The following UBL3 variants were observed in gnomAD, a reference collection of about 807,000 sequenced individuals.
UBL3 encodes ubiquitin like 3.
UBL3 carries 6 observed loss-of-function variants against 18.4 expected under a neutral mutation model. The ratio of observed to expected loss-of-function variants is 0.33; its 90% CI spans 0.18 to 0.64. The LOEUF (loss-of-function observed/expected upper bound fraction) is 0.64. Among genes scored for constraint, UBL3 ranks in the 30% least tolerant of loss-of-function variants. The probability of loss-of-function intolerance (pLI) is 0.76; values close to 1 mark genes in which losing one functional copy is unlikely to be tolerated. For synonymous variants in UBL3, 49 were observed against 46.6 expected (o/e 1.05, Z -0.21); for missense variants, 109 against 142.9 (o/e 0.76, Z 1.21).
Position 29,766,775 on chromosome 13 carries a change from T to A in UBL3, c.*480A>T, listed in dbSNP as rs1037456556. The A allele has an allele frequency of 1.3e-5, 2 of 152,306 alleles. No homozygotes were observed. Among genetic ancestry groups the A allele is most frequent in the African/African-American group, 4.8e-5 (2 of 41,462 alleles). 9.4% of individuals were successfully genotyped at this position (152,306 alleles called of 1,614,324 possible). On this transcript the variant is annotated 3_prime_UTR_variant, in exon 5 of 5. Transcript: ENST00000380680. ...ATTTTTTCCTCTCAAGTTGGCCCAG[T>A]AATTAACTTCATTAATTGCTGAGTG... is the stretch of plus-strand genomic sequence containing the variant.
In UBL3 at chr13:29,809,373, T is replaced by C. The variant is rs987940071; in HGVS notation, c.28-32110A>G. On this transcript the variant is annotated intron_variant, in intron 1 of 4. Transcript: ENST00000380680. The stretch of plus-strand genomic sequence containing the variant: ...ACTCCAAAGCAGAAAAGAAAAAGCC[T>C]TGGCACATCTGAGGAAAAAATAAAT... Among the ~76,000 whole-genome samples, 4 of 152,160 alleles carry C rather than the reference T, an allele frequency of 2.6e-5. No homozygotes were observed. In the South Asian group the frequency reaches 8.3e-4, roughly 32 times the overall value.
Position 29,765,401 on chromosome 13 carries a change from C to T in UBL3, c.*1854G>A, listed in dbSNP as rs1014146783. On this transcript the variant is annotated 3_prime_UTR_variant, in exon 5 of 5. Coordinates refer to ENST00000380680, the MANE Select transcript of UBL3 (RefSeq NM_007106.4). ...CTTGAAGATAACATTTTAGTGATAA[C>T]GGAGACTACATAATTCTATCCATTG... The T allele has an allele frequency of 2.6e-5, 4 of 152,054 alleles. No individual in the cohort carries two copies. Among genetic ancestry groups the T allele is most frequent in the East Asian group, 1.9e-4 (1 of 5,206 alleles). The allele number at this position is 152,054 out of a possible 1,614,324, so 9.4% of individuals were successfully genotyped here. A position where few individuals can be genotyped will look rare whatever the true frequency, so the allele number is the denominator to read the frequency against.
chr13:29,837,565 T>C (rs1365819808), intron 1 of UBL3, among the ~76,000 whole-genome samples: 1 of 152,026 alleles, frequency 6.6e-6, no homozygotes, highest in African/African-American at 2.4e-5. Flanking sequence ...ATAGAAATAA[T>C]ACTTAAAGAA....
intron 1 of UBL3, among the ~76,000 whole-genome samples, chr13:29,835,171 T>TAA (rs1878927024): frequency 4.4e-5 from 3 of 68,364 alleles, no homozygotes; most frequent in Non-Finnish European, 8.1e-5. Context: ...TATATATATA[T>TAA]ATATATATAT....
At chr13:29,786,392 G>T (rs1028206024) in intron 1 of UBL3, among the ~76,000 whole-genome samples, 1 of 152,056 alleles carries the variant, frequency 6.6e-6, no homozygotes, top group Non-Finnish European at 1.5e-5. Context: ...CCTCTACCCC[G>T]ATTCACACAT....
intron 1 of UBL3, among the ~76,000 whole-genome samples, chr13:29,790,560 A>G (rs374134336): frequency 1.8e-4 from 28 of 152,234 alleles, no homozygotes; most frequent in Admixed American, 9.8e-4. Context: ...TGGAACACCA[A>G]CCCCCAAGAG....
In UBL3 at chr13:29,764,881, T is replaced by A. The variant is rs1325061318; in HGVS notation, c.*2374A>T. The A allele has an allele frequency of 6.6e-6, 1 of 152,188 alleles. No homozygotes were observed. 9.4% of individuals were successfully genotyped at this position (152,188 alleles called of 1,614,324 possible). The stretch of plus-strand genomic sequence containing the variant: ...GAATCGTATTTTAACCACCAGGCAG[T>A]CCAAGGAATTATTTTTAAAGGGACA... On this transcript the variant is annotated 3_prime_UTR_variant, in exon 5 of 5. Coordinates refer to ENST00000380680, the MANE Select transcript of UBL3 (RefSeq NM_007106.4).
At chr13:29,835,514 T>G (rs915618440) in intron 1 of UBL3, among the ~76,000 whole-genome samples, 7 of 151,282 alleles carry the variant, frequency 4.6e-5, no homozygotes, top group African/African-American at 1.2e-4. Flanking sequence ...GCTCCCACTT[T>G]GGGAGGCCCA....
At position 29,850,445 on chromosome 13, in the gene UBL3, C is replaced by G. The variant is rs909093313; in HGVS notation, c.-907G>C. 3.3e-5 allele frequency: 5 copies of G among 152,968 alleles called. No homozygotes were observed. The highest frequency in any genetic ancestry group is 7.3e-5 in the Non-Finnish European group (5 of 68,194). The allele number at this position is 152,968 out of a possible 1,614,324, so 9.5% of individuals were successfully genotyped here. ...GGCGACGCCGACTTCGGCTGGTCCCCGGAAGAGGCCGGGTCCTCCTTCTCC... is the reference window on the plus strand; with the variant it reads ...GGCGACGCCGACTTCGGCTGGTCCCGGGAAGAGGCCGGGTCCTCCTTCTCC... On this transcript the variant is annotated 5_prime_UTR_variant, in exon 1 of 5. Transcript: ENST00000380680.
At chr13:29,828,066 C>T (rs866776705) in intron 1 of UBL3, among the ~76,000 whole-genome samples, 4 of 152,194 alleles carry the variant, frequency 2.6e-5, no homozygotes, top group Non-Finnish European at 5.9e-5. Context: ...GTCTGATGGG[C>T]TTCCCTTTGT....
At position 29,765,247 on chromosome 13, in the gene UBL3, T is replaced by C. The variant is rs1229432521; in HGVS notation, c.*2008A>G. ...AATAGGTATTAAAAATAATTACCAG[T>C]AGTTTGTTTTACAAAATAGAGCCAT... On this transcript the variant is annotated 3_prime_UTR_variant, in exon 5 of 5. Transcript: ENST00000380680. 6.6e-6 allele frequency: 1 copy of C among 152,144 alleles called. No individual in the cohort carries two copies. The highest frequency in any genetic ancestry group is 1.5e-5 in the Non-Finnish European group (1 of 67,998). 9.4% of individuals were successfully genotyped at this position (152,144 alleles called of 1,614,324 possible).
intron 1 of UBL3, among the ~76,000 whole-genome samples, chr13:29,791,897 T>C (rs1170062455): frequency 2.0e-5 from 3 of 152,198 alleles, no homozygotes; most frequent in Non-Finnish European, 1.5e-5. Context: ...AATTAAATCA[T>C]GGTCCTTGAA....
chr13:29,839,701 G>C (rs1042024049), intron 1 of UBL3, among the ~76,000 whole-genome samples: 7 of 152,310 alleles, frequency 4.6e-5, no homozygotes, highest in Non-Finnish European at 7.3e-5. Flanking sequence ...GCTGAGGCGG[G>C]AGGATCACGA....
chr13:29,807,951 C>T (rs12861019), intron 1 of UBL3, among the ~76,000 whole-genome samples: 15,528 of 152,082 alleles, frequency 0.1, 969 homozygotes, highest in African/African-American at 0.17. Flanking sequence ...AAACGTATTA[C>T]AATAGTCTAT....
intron 1 of UBL3, among the ~76,000 whole-genome samples, chr13:29,819,910 A>C (rs1313805300): frequency 6.6e-6 from 1 of 152,088 alleles, no homozygotes; most frequent in African/African-American, 2.4e-5. Flanking sequence ...CCTACCCCCA[A>C]AACTTTTCTA....
chr13:29,810,616 T>G (rs1370458689), intron 1 of UBL3, among the ~76,000 whole-genome samples: 1 of 152,150 alleles, frequency 6.6e-6, no homozygotes, highest in African/African-American at 2.4e-5. Flanking sequence ...GTACATTTTG[T>G]GCAAAGCCTT....
chr13:29,796,936 G>A (rs768353361), intron 1 of UBL3, among the ~76,000 whole-genome samples: 4 of 152,108 alleles, frequency 2.6e-5, no homozygotes, highest in Non-Finnish European at 5.9e-5. Context: ...ATAACAGGAA[G>A]ATTTTAGGAA....
chr13:29,848,442 A>G (rs1398582295), intron 1 of UBL3, among the ~76,000 whole-genome samples: 1 of 152,024 alleles, frequency 6.6e-6, no homozygotes, highest in Non-Finnish European at 1.5e-5. Flanking sequence ...GGGCAACAAG[A>G]GCAAAACTCC....
intron 1 of UBL3, among the ~76,000 whole-genome samples, chr13:29,839,352 T>A (rs1486782395): frequency 6.6e-6 from 1 of 152,100 alleles, no homozygotes; most frequent in Non-Finnish European, 1.5e-5. Flanking sequence ...CCCCAAATGC[T>A]GAGAGCACAA....
Sources: gnomAD v4.1 joint callset for allele counts (sites outside exome capture counted in the v4.1 genomes callset) on GRCh38, gnomAD v4.1.1 for gene constraint, MANE v1.5 for transcripts, NCBI Gene and HGNC (gene_info 2026-07-23, HGNC 2026-07-21) for gene names.